Variants in TSPAN18 observed in about 807,000 individuals in gnomAD.
The protein encoded by TSPAN18 is tetraspanin-18.
Under a neutral mutation model 27.3 loss-of-function variants are expected in TSPAN18, and 14 were observed. The ratio of observed to expected loss-of-function variants is 0.51; its 90% CI spans 0.34 to 0.80. The LOEUF (loss-of-function observed/expected upper bound fraction) is 0.80, where lower values mean the gene tolerates loss of function less well. Ranked by LOEUF, TSPAN18 falls within the 30% of genes least tolerant of loss-of-function variation. The pLI, the probability that TSPAN18 is intolerant of heterozygous loss-of-function variation, is 0.01. For synonymous variants in TSPAN18, 143 were observed against 136.5 expected, an observed-to-expected ratio of 1.05 and a Z score of -0.33; for missense variants, 268 against 323.9, an observed-to-expected ratio of 0.83 and a Z score of 1.32.
intron 3 of TSPAN18, chr11:44,903,206 G>A (rs1455589313): frequency 2.8e-6 from 1 of 358,554 alleles, no homozygotes; most frequent in African/African-American, 2.1e-5. Flanking sequence ...CAGGAGGGGG[G>A]AATCAGGGAA....
intron 8 of TSPAN18, 120 bp downstream of exon 8, chr11:44,920,119 G>T: frequency 1.9e-6 from 2 of 1,074,130 alleles, no homozygotes; most frequent in Non-Finnish European, 2.6e-6. Context: ...CCAGGGAAGT[G>T]TTGGCCATGA....
chr11:44,850,049 C>T (rs532921772), intron 2 of TSPAN18, among the ~76,000 whole-genome samples: 36 of 152,184 alleles, frequency 2.4e-4, no homozygotes, highest in Non-Finnish European at 3.8e-4. Flanking sequence ...ACTACGTGAC[C>T]CCTAATAACC....
intron 5 of TSPAN18, among the ~76,000 whole-genome samples, chr11:44,916,014 G>A (rs1859895481): frequency 6.6e-6 from 1 of 152,174 alleles, no homozygotes; most frequent in South Asian, 2.1e-4. Flanking sequence ...CCAGCAAAAC[G>A]CAGGATTGAG....
intron 3 of TSPAN18, among the ~76,000 whole-genome samples, chr11:44,864,834 G>C (rs771452650): frequency 6.6e-6 from 1 of 152,212 alleles, no homozygotes. Flanking sequence ...CGCCAAGCCT[G>C]TACATGGAAG....
At chr11:44,812,793 C>T (rs773708498) in intron 2 of TSPAN18, among the ~76,000 whole-genome samples, 58 of 152,136 alleles carry the variant, frequency 3.8e-4, no homozygotes, top group African/African-American at 1.4e-3. Flanking sequence ...GGGGGTGCCA[C>T]GGGCTGCCCT....
At chr11:44,920,074 A>G (rs1860070493) in intron 8 of TSPAN18, 75 bp downstream of exon 8, 8 of 1,429,194 alleles carry the variant, frequency 5.6e-6, no homozygotes, top group Middle Eastern at 2.3e-4. Flanking sequence ...GGGAGGCGCT[A>G]TCACCCCAGA....
intron 3 of TSPAN18, among the ~76,000 whole-genome samples, chr11:44,893,441 G>A (rs759579402): frequency 6.6e-6 from 1 of 152,228 alleles, no homozygotes; most frequent in African/African-American, 2.4e-5. Context: ...AGGCACGCCA[G>A]GATCTCAGGC....
chr11:44,846,351 T>C (rs1229349539), intron 2 of TSPAN18, among the ~76,000 whole-genome samples: 1 of 152,234 alleles, frequency 6.6e-6, no homozygotes, highest in African/African-American at 2.4e-5. Flanking sequence ...TGAATATCTG[T>C]TTAATGAACG....
At chr11:44,903,213 G>A in intron 3 of TSPAN18, 5 of 359,742 alleles carry the variant, frequency 1.4e-5, no homozygotes, top group Non-Finnish European at 2.7e-5. Flanking sequence ...GGGGAATCAG[G>A]GAAGGCTTCC....
chr11:44,797,070 C>T (rs552693901), intron 2 of TSPAN18, among the ~76,000 whole-genome samples: 45 of 152,236 alleles, frequency 3.0e-4, no homozygotes, highest in African/African-American at 8.7e-4. Context: ...TAAGCATCAC[C>T]TTCCATATTC....
Position 44,792,217 on chromosome 11 carries a change from G to C in TSPAN18, c.-153+27705G>C, listed in dbSNP as rs533782417. Among the ~76,000 whole-genome samples, 9 of 152,198 alleles carry C rather than the reference G, an allele frequency of 5.9e-5. No homozygotes were observed. The East Asian group carries it at 1.5e-3, about 26-fold the overall frequency. ...CCTGAGAAATTCAGTGAGTGATGCC[G>C]GGGGAAGCTGTTTTTGGTGCAGGTC... On this transcript the variant is annotated intron_variant, in intron 2 of 9. Transcript: ENST00000520358.
In TSPAN18 at chr11:44,806,041, C is replaced by CTTTT. The variant is rs34132755; in HGVS notation, c.-153+41542_-153+41545dup. On this transcript the variant is annotated intron_variant, in intron 2 of 9. Coordinates refer to ENST00000520358, the MANE Select transcript of TSPAN18 (RefSeq NM_130783.5). ...CATTTTGAGGGAACACTATTTTTTCCTTTTTTTTTTTTTTTTGGAGTCTCG... is the reference window on the plus strand; with the variant it reads ...CATTTTGAGGGAACACTATTTTTTCCTTTTTTTTTTTTTTTTTTTTGGAGTCTCG... Among the ~76,000 whole-genome samples the CTTTT allele has an allele frequency of 3.7e-5, 5 of 134,530 alleles. No individual in the cohort carries two copies. In the South Asian group the frequency reaches 9.7e-4, roughly 26 times the overall value. 88.3% of individuals were successfully genotyped at this position (134,530 alleles called of 152,430 possible).
intron 2 of TSPAN18, among the ~76,000 whole-genome samples, chr11:44,813,232 C>T (rs929075767): frequency 5.9e-5 from 9 of 152,166 alleles, no homozygotes; most frequent in Admixed American, 2.0e-4. Context: ...ATGCCCTGTG[C>T]GCAGGAAGCC....
chr11:44,735,928 C>G (rs1590401937), intron 1 of TSPAN18, among the ~76,000 whole-genome samples: 1 of 152,278 alleles, frequency 6.6e-6, no homozygotes, highest in Middle Eastern at 3.4e-3. Flanking sequence ...ATGACCTCCT[C>G]TTAACCTGAT....
At chr11:44,907,599 G>A (rs916304278) in intron 4 of TSPAN18, among the ~76,000 whole-genome samples, 57 of 152,296 alleles carry the variant, frequency 3.7e-4, no homozygotes, top group African/African-American at 1.2e-3. Flanking sequence ...CTTCCAAGCC[G>A]GGTGACCCTG....
At chr11:44,768,814 A>G (rs911154987) in intron 2 of TSPAN18, among the ~76,000 whole-genome samples, 6 of 151,958 alleles carry the variant, frequency 3.9e-5, no homozygotes, top group Non-Finnish European at 5.9e-5. Context: ...ATTTTGTCAA[A>G]TGCTTTTTCT....
At position 44,732,604 on chromosome 11, in the gene TSPAN18, G is replaced by A. The variant is rs1022079428; in HGVS notation, c.-240+5317G>A. 5.3e-5 allele frequency among the ~76,000 whole-genome samples: 8 copies of A among 152,088 alleles called. 1 individual carries two copies. The highest frequency in any genetic ancestry group is 1.0e-4 in the Non-Finnish European group (7 of 68,028). On this transcript the variant is annotated intron_variant, in intron 1 of 9. Transcript: ENST00000520358. ...GGGCACCTTATGAGATTCCGTTTCT[G>A]TCCTGCATGGATTACTCAGGCATTT...
At chr11:44,868,582 G>A (rs1858102360) in intron 3 of TSPAN18, among the ~76,000 whole-genome samples, 1 of 152,162 alleles carries the variant, frequency 6.6e-6, no homozygotes, top group South Asian at 2.1e-4. Flanking sequence ...CTTTCCTAGG[G>A]CCAGGCGGGC....
chr11:44,850,139 G>A (rs1452707475), intron 2 of TSPAN18, among the ~76,000 whole-genome samples: 1 of 152,150 alleles, frequency 6.6e-6, no homozygotes, highest in Admixed American at 6.5e-5. Flanking sequence ...AGCTGAAGCC[G>A]CTCCTGCTCC....
Sources: allele counts gnomAD v4.1 joint callset (sites outside exome capture counted in the v4.1 genomes callset), GRCh38; gene constraint gnomAD v4.1.1; transcripts MANE v1.5; gene names NCBI Gene and HGNC (gene_info 2026-07-23, HGNC 2026-07-21).